The following DUSP29 variants were observed in gnomAD, a reference collection of about 807,000 sequenced individuals.
DUSP29 encodes atypical dual-specific protein phosphatase.
Under a neutral mutation model 13.5 loss-of-function variants are expected in DUSP29, and 12 were observed. The ratio of observed to expected loss-of-function variants is 0.89; its 90% CI spans 0.57 to 1.44. DUSP29 has a LOEUF of 1.44. Ranked by LOEUF, DUSP29 falls within the 40% of genes most tolerant of loss-of-function variation. DUSP29 has a pLI of 0.00. For missense variants in DUSP29, 308 were observed against 301.1 expected (o/e 1.02, Z -0.17); for synonymous variants, 134 against 128.7 (o/e 1.04, Z -0.28).
intron 2 of DUSP29, among the ~76,000 whole-genome samples, chr10:75,048,030 T>G (rs12218431): frequency 3.2e-4 from 48 of 152,312 alleles, no homozygotes; most frequent in Non-Finnish European, 4.8e-4. Flanking sequence ...TATATAGGTA[T>G]GTCCCAATTT....
At chr10:75,062,586 T>C (rs1589867537) in intron 1 of DUSP29, among the ~76,000 whole-genome samples, 1 of 152,122 alleles carries the variant, frequency 6.6e-6, no homozygotes. Context: ...GCAGATTTGA[T>C]GGGGAAAGAG....
chr10:75,045,066 A>G (rs7901229), intron 2 of DUSP29, among the ~76,000 whole-genome samples: 37,210 of 152,194 alleles, frequency 0.24, 9,769 homozygotes, highest in African/African-American at 0.65. Flanking sequence ...TGGTAAAGAA[A>G]TGAACAGGGG....
intron 2 of DUSP29, among the ~76,000 whole-genome samples, chr10:75,049,191 G>T (rs1289944290): frequency 6.9e-6 from 1 of 143,994 alleles, no homozygotes; most frequent in Non-Finnish European, 1.5e-5. Flanking sequence ...CATTTACTAT[G>T]TAAATATAGC....
chr10:75,041,799 G>T (rs1846591066), intron 3 of DUSP29, among the ~76,000 whole-genome samples: 1 of 152,088 alleles, frequency 6.6e-6, no homozygotes. Flanking sequence ...TTGTTTGCTA[G>T]GTGCCACCTG....
chr10:75,060,343 G>A (rs778420960), intron 1 of DUSP29, among the ~76,000 whole-genome samples: 4 of 152,022 alleles, frequency 2.6e-5, no homozygotes, highest in Non-Finnish European at 5.9e-5. Context: ...GGTGGTGCAT[G>A]CCTGTAGTCC....
In DUSP29 at chr10:75,037,740, C is replaced by A; in HGVS notation, c.*96G>T. On this transcript the variant is annotated 3_prime_UTR_variant, in exon 4 of 4. Coordinates refer to ENST00000338487, the MANE Select transcript of DUSP29 (RefSeq NM_001003892.3). ...AAGATGGTTTGGAAGAGTCGAGCTT[C>A]GGTTTCACCATCCCTTCTCTGGAGT... 6.7e-7 allele frequency: 1 copy of A among 1,500,672 alleles called. No homozygotes were observed. The highest frequency in any genetic ancestry group is 8.9e-7 in the Non-Finnish European group (1 of 1,128,490). 93.0% of individuals were successfully genotyped at this position (1,500,672 alleles called of 1,614,324 possible).
chr10:75,063,835 A>G (rs1330064966), intron 1 of DUSP29, among the ~76,000 whole-genome samples: 6 of 152,194 alleles, frequency 3.9e-5, no homozygotes, highest in East Asian at 1.9e-4. Context: ...TCAAAACATC[A>G]CATCGTATCC....
intron 3 of DUSP29, 91 bp downstream of exon 3, chr10:75,043,701 AGTGGG>A: frequency 9.7e-7 from 1 of 1,035,722 alleles, no homozygotes; most frequent in Non-Finnish European, 1.3e-6. Flanking sequence ...GCGGAGCCTT[AGTGGG>A]GCGGGGAAGG....
At chr10:75,042,493 GA>G (rs897686827) in intron 3 of DUSP29, among the ~76,000 whole-genome samples, 1 of 152,230 alleles carries the variant, frequency 6.6e-6, no homozygotes, top group Non-Finnish European at 1.5e-5. Flanking sequence ...TGGAAACCCA[GA>G]ATGTACACAG....
intron 2 of DUSP29, among the ~76,000 whole-genome samples, chr10:75,053,226 G>C (rs923889482): frequency 6.6e-6 from 1 of 152,166 alleles, no homozygotes; most frequent in African/African-American, 2.4e-5. Flanking sequence ...TGGACCTTCT[G>C]AAAGTGTACC....
At chr10:75,070,017 T>A (rs1215942406) in intron 1 of DUSP29, among the ~76,000 whole-genome samples, 1 of 145,182 alleles carries the variant, frequency 6.9e-6, no homozygotes, top group Non-Finnish European at 1.5e-5. Context: ...GCCACTGCAC[T>A]CCAGCCTGGG....
At chr10:75,071,535 G>A (rs897049667) in intron 1 of DUSP29, among the ~76,000 whole-genome samples, 5 of 152,176 alleles carry the variant, frequency 3.3e-5, no homozygotes, top group Non-Finnish European at 7.3e-5. Context: ...ACCCAACCCA[G>A]GTGTCAGCCA....
intron 1 of DUSP29, among the ~76,000 whole-genome samples, chr10:75,073,258 G>T (rs1051585784): frequency 6.6e-6 from 1 of 151,790 alleles, no homozygotes; most frequent in Non-Finnish European, 1.5e-5. Flanking sequence ...GTAGAACCTC[G>T]TTGGAATGTG....
chr10:75,062,688 ACT>A (rs1306296454), intron 1 of DUSP29, among the ~76,000 whole-genome samples: 1 of 152,052 alleles, frequency 6.6e-6, no homozygotes, highest in Admixed American at 6.6e-5. Context: ...ATGGCTCCCA[ACT>A]CTCTAATTCT....
At chr10:75,055,903 A>G (rs748193516) in intron 2 of DUSP29, among the ~76,000 whole-genome samples, 3 of 152,130 alleles carry the variant, frequency 2.0e-5, no homozygotes, top group Admixed American at 6.5e-5. Flanking sequence ...GTATGTATAT[A>G]TAGTATGGGG....
intron 2 of DUSP29, among the ~76,000 whole-genome samples, chr10:75,051,725 T>C (rs1267618765): frequency 6.6e-6 from 1 of 152,154 alleles, no homozygotes; most frequent in Non-Finnish European, 1.5e-5. Context: ...GAAATGTAAA[T>C]ATCAAATTAA....
At chr10:75,046,958 C>T (rs1294804892) in intron 2 of DUSP29, among the ~76,000 whole-genome samples, 2 of 152,212 alleles carry the variant, frequency 1.3e-5, no homozygotes, top group African/African-American at 4.8e-5. Context: ...CAGTAACTGG[C>T]TTTCAACATA....
chr10:75,058,205 C>A (rs971065589), intron 2 of DUSP29, 110 bp downstream of exon 2: 22 of 1,327,076 alleles, frequency 1.7e-5, no homozygotes, highest in Non-Finnish European at 2.1e-5. Flanking sequence ...TAATTGAGTT[C>A]TCACAGAACG....
intron 2 of DUSP29, among the ~76,000 whole-genome samples, chr10:75,054,716 A>G (rs529914003): frequency 6.6e-6 from 1 of 152,290 alleles, no homozygotes; most frequent in South Asian, 2.1e-4. Flanking sequence ...CTTCCTATGT[A>G]CTAGGCAGTG....
Sources: allele counts gnomAD v4.1 joint callset (sites outside exome capture counted in the v4.1 genomes callset), GRCh38; gene constraint gnomAD v4.1.1; transcripts MANE v1.5; gene names NCBI Gene and HGNC (gene_info 2026-07-23, HGNC 2026-07-21).